Variants in ERC1 observed in about 807,000 individuals in gnomAD.
The protein encoded by ERC1 is ELKS/RAB6-interacting/CAST family member 1.
ERC1 carries 56 observed loss-of-function variants against 132.0 expected under a neutral mutation model. The observed-to-expected ratio is 0.42, with a 90% CI of 0.34 to 0.53. The LOEUF is 0.53. Ranked by LOEUF, ERC1 falls within the 20% of genes least tolerant of loss-of-function variation. The pLI, the probability that ERC1 is intolerant of heterozygous loss-of-function variation, is 0.03. For missense variants in ERC1, 1,202 were observed against 1,349.9 expected (o/e 0.89, Z 1.72); for synonymous variants, 478 against 476.1 (o/e 1.00, Z -0.05).
At chr12:1,350,901 G>C (rs972944462) in intron 15 of ERC1, among the ~76,000 whole-genome samples, 2 of 152,130 alleles carry the variant, frequency 1.3e-5, no homozygotes, top group African/African-American at 4.8e-5. Flanking sequence ...GAACCTGAGG[G>C]TCCATCCTGG....
At chr12:1,411,884 T>G (rs1348875091) in intron 17 of ERC1, among the ~76,000 whole-genome samples, 1 of 149,742 alleles carries the variant, frequency 6.7e-6, no homozygotes, top group East Asian at 1.9e-4. Context: ...ATAGGTAACT[T>G]CACCAGGAGA....
intron 14 of ERC1, among the ~76,000 whole-genome samples, chr12:1,288,135 G>A (rs2154339263): frequency 6.6e-6 from 1 of 152,236 alleles, no homozygotes; most frequent in South Asian, 2.1e-4. Flanking sequence ...AACATAGCTT[G>A]GTGTATTATT....
intron 4 of ERC1, among the ~76,000 whole-genome samples, chr12:1,105,604 G>A (rs879323055): frequency 2.0e-5 from 3 of 152,058 alleles, no homozygotes; most frequent in East Asian, 1.9e-4. Flanking sequence ...TTATCCGCCC[G>A]CCTCGGCCTC....
chr12:1,065,320 A>T lies in ERC1; in HGVS notation c.670-17844A>T, dbSNP rs899407057. Reference sequence around the variant, plus strand: ...CCAGCCCTGTCTGAGATTTTGCAAAAGACCTGTCTTCAAGTTCAGAAAATC... The same window carrying T: ...CCAGCCCTGTCTGAGATTTTGCAAATGACCTGTCTTCAAGTTCAGAAAATC... On this transcript the variant is annotated intron_variant, in intron 2 of 18. Transcript: ENST00000360905. 3.9e-5 allele frequency among the ~76,000 whole-genome samples: 6 copies of T among 152,128 alleles called. No individual in the cohort carries two copies. In the East Asian group the frequency reaches 9.6e-4, roughly 24 times the overall value.
intron 15 of ERC1, among the ~76,000 whole-genome samples, chr12:1,363,378 C>A (rs1289716917): frequency 2.0e-5 from 3 of 152,108 alleles, no homozygotes; most frequent in Non-Finnish European, 2.9e-5. Flanking sequence ...GCAAGTTTTC[C>A]ACCTACAATT....
At chr12:1,290,670 T>C (rs1034657582) in intron 15 of ERC1, among the ~76,000 whole-genome samples, 2 of 152,228 alleles carry the variant, frequency 1.3e-5, no homozygotes, top group Admixed American at 6.5e-5. Context: ...AATCCAGTTG[T>C]ACCCTCTCAT....
At chr12:1,037,892 A>G (rs1969390821) in intron 2 of ERC1, among the ~76,000 whole-genome samples, 1 of 151,808 alleles carries the variant, frequency 6.6e-6, no homozygotes, top group Non-Finnish European at 1.5e-5. Context: ...AAAATGCAAA[A>G]AATTAGCTGG....
At chr12:1,387,366 G>C (rs1418066213) in intron 16 of ERC1, among the ~76,000 whole-genome samples, 1 of 152,168 alleles carries the variant, frequency 6.6e-6, no homozygotes, top group Non-Finnish European at 1.5e-5. Flanking sequence ...AAGGCAGGCT[G>C]TAGTAGATGG....
At chr12:1,365,315 G>T (rs746253247) in intron 15 of ERC1, among the ~76,000 whole-genome samples, 4 of 150,676 alleles carry the variant, frequency 2.7e-5, no homozygotes, top group Non-Finnish European at 5.9e-5. Flanking sequence ...TTGCCTAGAC[G>T]CTACTGGCCT....
intron 16 of ERC1, among the ~76,000 whole-genome samples, chr12:1,376,031 C>T (rs915121439): frequency 2.0e-5 from 3 of 152,076 alleles, no homozygotes; most frequent in African/African-American, 7.2e-5. Flanking sequence ...CCACCGTGCC[C>T]GGCCTGGCTC....
At chr12:1,180,366 C>A (rs1954309425) in intron 8 of ERC1, among the ~76,000 whole-genome samples, 174 bp from the exon 9 acceptor site, 2 of 151,962 alleles carry the variant, frequency 1.3e-5, no homozygotes, top group African/African-American at 4.8e-5. Flanking sequence ...AATTTGCCTA[C>A]AAATTTAAGG....
chr12:1,230,149 G>A (rs566250434), intron 12 of ERC1, among the ~76,000 whole-genome samples: 2 of 152,090 alleles, frequency 1.3e-5, no homozygotes, highest in East Asian at 3.9e-4. Flanking sequence ...TGGGATTACA[G>A]GCATGTGCCA....
At position 1,189,941 on chromosome 12, in the gene ERC1, A is replaced by G; in HGVS notation, c.2240A>G (p.Tyr747Cys). Residue 747 changes from tyrosine to cysteine, a missense_variant, in exon 12 of 19, where the codon TAC (tyrosine) becomes TGC (cysteine). Tyr to Cys is a radical substitution (Grantham distance 194, BLOSUM62 -2). Transcript: ENST00000360905. Reference sequence around the variant, plus strand: ...CACTTGGAGAGAGAGATCACCAGGTACAAAGATGAATCTAGCAAGGCCCAG... The same window carrying G: ...CACTTGGAGAGAGAGATCACCAGGTGCAAAGATGAATCTAGCAAGGCCCAG... ...IQHLEREITR[Y>C]KDESSKAQAE... is the part of the protein sequence containing the mutation. 2 of 1,614,132 alleles carry G rather than the reference A, an allele frequency of 1.2e-6. No individual in the cohort carries two copies. Among genetic ancestry groups the G allele is most frequent in the Non-Finnish European group, 1.7e-6 (2 of 1,179,984 alleles).
chr12:1,477,460 G>C (rs1020701943), intron 18 of ERC1, among the ~76,000 whole-genome samples: 1 of 152,080 alleles, frequency 6.6e-6, no homozygotes, highest in African/African-American at 2.4e-5. Context: ...TGAGCAGAAA[G>C]AAGAACAACA....
intron 2 of ERC1, among the ~76,000 whole-genome samples, chr12:1,047,623 A>C (rs996446180): frequency 6.6e-6 from 1 of 152,238 alleles, no homozygotes; most frequent in African/African-American, 2.4e-5. Context: ...ATGTGTTTAC[A>C]AACAGTGTTC....
chr12:1,441,172 C>T (rs142108138), intron 17 of ERC1, among the ~76,000 whole-genome samples: 4,277 of 152,092 alleles, frequency 0.028, 191 homozygotes, highest in African/African-American at 0.096. Flanking sequence ...AATTCTCCTG[C>T]CCCAGCCTCC....
intron 7 of ERC1, among the ~76,000 whole-genome samples, chr12:1,131,146 T>G (rs138753620): frequency 9.9e-4 from 151 of 152,222 alleles, no homozygotes; most frequent in African/African-American, 3.5e-3. Context: ...GAATTTTAGG[T>G]TTTTAGAACT....
chr12:1,050,296 G>A (rs761243748), intron 2 of ERC1, among the ~76,000 whole-genome samples: 21 of 152,322 alleles, frequency 1.4e-4, no homozygotes, highest in Middle Eastern at 3.4e-3. Flanking sequence ...CCTGACCCAG[G>A]AGGTGTGAGA....
chr12:1,103,539 A>G (rs1944907064), intron 3 of ERC1, among the ~76,000 whole-genome samples: 1 of 152,228 alleles, frequency 6.6e-6, no homozygotes, highest in African/African-American at 2.4e-5. Context: ...TTAGTGGTTC[A>G]TTCCAGGTGG....
Sources: allele counts gnomAD v4.1 joint callset (sites outside exome capture counted in the v4.1 genomes callset), GRCh38; gene constraint gnomAD v4.1.1; transcripts MANE v1.5; gene names NCBI Gene and HGNC (gene_info 2026-07-23, HGNC 2026-07-21).